The following GALNTL6 variants were observed in gnomAD, a reference collection of about 807,000 sequenced individuals.
GALNTL6 encodes the protein polypeptide N-acetylgalactosaminyltransferase-like 6.
GALNTL6 carries 46 observed loss-of-function variants against 73.7 expected under a neutral mutation model. The ratio of observed to expected loss-of-function variants is 0.62; its 90% CI spans 0.49 to 0.80. The LOEUF is 0.80. GALNTL6 is among the 30% of genes least tolerant of loss of function. GALNTL6 has a pLI of 0.00. For missense variants in GALNTL6, 604 were observed against 755.0 expected (o/e 0.80, Z 2.34); for synonymous variants, 259 against 263.7 (o/e 0.98, Z 0.17).
intron 8 of GALNTL6, among the ~76,000 whole-genome samples, chr4:172,891,561 CTTTAAGA>C (rs1378343121): frequency 2.6e-5 from 4 of 152,082 alleles, no homozygotes; most frequent in Non-Finnish European, 5.9e-5. Flanking sequence ...CTCTAGCTGC[CTTTAAGA>C]TTTATTTATT....
chr4:172,288,339 C>T (rs1227682658), intron 3 of GALNTL6, among the ~76,000 whole-genome samples: 3 of 152,064 alleles, frequency 2.0e-5, no homozygotes, highest in Non-Finnish European at 4.4e-5. Context: ...GATCCGCCTG[C>T]CTCGGCCTCC....
intron 5 of GALNTL6, among the ~76,000 whole-genome samples, chr4:172,656,437 A>T (rs1048957551): frequency 6.6e-6 from 1 of 152,206 alleles, no homozygotes; most frequent in Non-Finnish European, 1.5e-5. Context: ...GCTACAGTTT[A>T]CTACATGGAA....
chr4:172,017,595 T>C (rs1035929927), intron 2 of GALNTL6, among the ~76,000 whole-genome samples: 3 of 152,104 alleles, frequency 2.0e-5, no homozygotes, highest in African/African-American at 7.2e-5. Context: ...AGACGTTCCC[T>C]ACTATACCCA....
chr4:172,547,378 G>A (rs1180529478), intron 5 of GALNTL6, among the ~76,000 whole-genome samples: 1 of 152,006 alleles, frequency 6.6e-6, no homozygotes, highest in African/African-American at 2.4e-5. Flanking sequence ...TCTATTTTGA[G>A]CAGATTTTTC....
At chr4:172,988,794 T>C (rs1751409811) in intron 10 of GALNTL6, among the ~76,000 whole-genome samples, 1 of 152,256 alleles carries the variant, frequency 6.6e-6, no homozygotes. Flanking sequence ...CTCAGGCCAC[T>C]GCTCCAGAGG....
Position 172,284,042 on chromosome 4 carries a change from TG to T in GALNTL6, c.248-27571del, listed in dbSNP as rs778560027. Among the ~76,000 whole-genome samples the T allele has an allele frequency of 9.8e-5, 15 of 152,288 alleles. No individual in the cohort carries two copies. In the South Asian group the frequency reaches 1.0e-3, roughly 11 times the overall value. On this transcript the variant is annotated intron_variant, in intron 3 of 12. Transcript: ENST00000506823. ...GGTCTAAATCAATCTTTGGAAAATATGAGTGAAGGTGGAATTTGAAATGCTA... is the reference window on the plus strand; with the variant it reads ...GGTCTAAATCAATCTTTGGAAAATATAGTGAAGGTGGAATTTGAAATGCTA...
Position 172,187,860 on chromosome 4 carries a change from T to G in GALNTL6, c.139-41796T>G, listed in dbSNP as rs1357731798. ...GTTATGTTTGTCCTGTTTGGGTTAC[T>G]TACATTAGTGGAATGTTTTCAATGT... On this transcript the variant is annotated intron_variant, in intron 2 of 12. Transcript: ENST00000506823. Among the ~76,000 whole-genome samples the G allele has an allele frequency of 3.3e-5, 5 of 152,334 alleles. No homozygotes were observed. In the East Asian group the frequency reaches 9.6e-4, roughly 29 times the overall value.
At chr4:172,815,152 G>T (rs570474836) in intron 7 of GALNTL6, among the ~76,000 whole-genome samples, 53 of 152,260 alleles carry the variant, frequency 3.5e-4, no homozygotes, top group African/African-American at 1.2e-3. Flanking sequence ...AAGGTGGGAC[G>T]AGTGACAAGG....
At position 172,771,391 on chromosome 4, in the gene GALNTL6, G is replaced by A. The variant is rs566338358; in HGVS notation, c.554-37970G>A. On this transcript the variant is annotated intron_variant, in intron 5 of 12. Transcript: ENST00000506823. The stretch of plus-strand genomic sequence containing the variant: ...ATTTTAGTATATCCTACTAATATCC[G>A]AGTTTATTATTTCTCTCCTAAGCTG... Among the ~76,000 whole-genome samples, 5 of 152,270 alleles carry A rather than the reference G, an allele frequency of 3.3e-5. No homozygotes were observed. The East Asian group carries it at 5.8e-4, about 18-fold the overall frequency.
chr4:172,954,093 G>A (rs917082003), intron 10 of GALNTL6, among the ~76,000 whole-genome samples: 3 of 152,190 alleles, frequency 2.0e-5, no homozygotes, highest in African/African-American at 7.2e-5. Context: ...GTATCATTGT[G>A]TGATTCACTA....
chr4:172,400,900 A>G (rs1241250472), intron 5 of GALNTL6, among the ~76,000 whole-genome samples: 1 of 152,154 alleles, frequency 6.6e-6, no homozygotes, highest in African/African-American at 2.4e-5. Context: ...ACTGAGTAAT[A>G]CATGTTGCAT....
chr4:172,622,176 C>A (rs1738988020), intron 5 of GALNTL6, among the ~76,000 whole-genome samples: 1 of 152,030 alleles, frequency 6.6e-6, no homozygotes, highest in African/African-American at 2.4e-5. Flanking sequence ...GAAAAATAGT[C>A]CAGTTTTCCC....
chr4:172,672,139 C>A (rs1261462123), intron 5 of GALNTL6, among the ~76,000 whole-genome samples: 1 of 152,198 alleles, frequency 6.6e-6, no homozygotes, highest in Non-Finnish European at 1.5e-5. Context: ...GATCCACCCA[C>A]CTTAGCCTCC....
intron 2 of GALNTL6, among the ~76,000 whole-genome samples, chr4:172,073,435 CA>C (rs1341736398): frequency 6.6e-6 from 1 of 152,028 alleles, no homozygotes; most frequent in Non-Finnish European, 1.5e-5. Flanking sequence ...CTATAAAAAT[CA>C]AATGGTGAAA....
At chr4:172,595,824 G>T (rs565389151) in intron 5 of GALNTL6, among the ~76,000 whole-genome samples, 99 of 152,138 alleles carry the variant, frequency 6.5e-4, no homozygotes, top group African/African-American at 1.8e-3. Context: ...ACAAACTTGG[G>T]ATCCAAAAAA....
At chr4:172,302,144 C>G (rs1284105420) in intron 3 of GALNTL6, among the ~76,000 whole-genome samples, 1 of 152,182 alleles carries the variant, frequency 6.6e-6, no homozygotes, top group Non-Finnish European at 1.5e-5. Context: ...GAGTGAGGCT[C>G]TGTGGGCGTA....
chr4:171,983,391 A>G (rs1560870708), intron 2 of GALNTL6, among the ~76,000 whole-genome samples: 1 of 152,174 alleles, frequency 6.6e-6, no homozygotes, highest in Non-Finnish European at 1.5e-5. Flanking sequence ...GTATCCACAT[A>G]ACCTGACTGA....
chr4:172,537,040 T>G (rs559268546), intron 5 of GALNTL6, among the ~76,000 whole-genome samples: 2 of 152,334 alleles, frequency 1.3e-5, no homozygotes, highest in South Asian at 4.1e-4. Context: ...CCAATGCTTG[T>G]ACCCCCATTA....
intron 3 of GALNTL6, among the ~76,000 whole-genome samples, chr4:172,295,214 G>C (rs1303457584): frequency 6.6e-6 from 1 of 152,046 alleles, no homozygotes; most frequent in Non-Finnish European, 1.5e-5. Flanking sequence ...CTGAGGTCAG[G>C]AGTTCAAGAC....
Sources: gnomAD v4.1 joint callset for allele counts (sites outside exome capture counted in the v4.1 genomes callset) on GRCh38, gnomAD v4.1.1 for gene constraint, MANE v1.5 for transcripts, NCBI Gene and HGNC (gene_info 2026-07-23, HGNC 2026-07-21) for gene names.